The following KIF16B variants were observed in gnomAD, a reference collection of about 807,000 sequenced individuals.
The protein encoded by KIF16B is kinesin family member 16B, also known as kinesin-like protein KIF16B.
Under a neutral mutation model 156.3 loss-of-function variants are expected in KIF16B, and 98 were observed. That is an observed-to-expected ratio of 0.63 (90% CI 0.53 to 0.74). The LOEUF (loss-of-function observed/expected upper bound fraction) is 0.74, where lower values mean the gene tolerates loss of function less well. Among genes scored for constraint, KIF16B ranks in the 30% least tolerant of loss-of-function variants. The pLI is 0.00. For missense variants in KIF16B, 1,421 were observed against 1,606.5 expected (o/e 0.88, Z 1.97); for synonymous variants, 564 against 583.7 (o/e 0.97, Z 0.49).
chr20:16,519,937 T>C (rs2069278020), intron 3 of KIF16B, among the ~76,000 whole-genome samples: 1 of 152,130 alleles, frequency 6.6e-6, no homozygotes, highest in Non-Finnish European at 1.5e-5. Flanking sequence ...CTCCCTCCCC[T>C]AGCCAAGGGA....
chr20:16,276,846 T>C (rs1398953025), intron 25 of KIF16B, among the ~76,000 whole-genome samples: 1 of 152,244 alleles, frequency 6.6e-6, no homozygotes, highest in African/African-American at 2.4e-5. Flanking sequence ...AGAGGAAACC[T>C]TGCTGATTTT....
intron 17 of KIF16B, 35 bp from the exon 18 acceptor site, chr20:16,381,782 A>G: frequency 1.3e-6 from 2 of 1,556,730 alleles, no homozygotes; most frequent in African/African-American, 1.4e-5. Context: ...TCACTTTTCT[A>G]AAGAGCTTTT....
chr20:16,374,460 A>T lies in KIF16B; in HGVS notation c.3198-51T>A, dbSNP rs754795593. On this transcript the variant is annotated intron_variant, in intron 19 of 25. Coordinates refer to ENST00000354981, the MANE Select transcript of KIF16B (RefSeq NM_024704.5). The stretch of plus-strand genomic sequence containing the variant: ...CATTCATTAATAGTATTTCCCGAGC[A>T]TCCTTACTGTGTGAGACATTGCTTT... 6 of 1,449,522 alleles carry T rather than the reference A, an allele frequency of 4.1e-6. No individual in the cohort carries two copies. In the East Asian group the frequency reaches 1.5e-4, roughly 35 times the overall value. The allele number at this position is 1,449,522 out of a possible 1,614,324, so 89.8% of individuals were successfully genotyped here. A position where few individuals can be genotyped will look rare whatever the true frequency, so the allele number is the denominator to read the frequency against.
At chr20:16,327,360 G>A (rs562299577) in intron 24 of KIF16B, among the ~76,000 whole-genome samples, 1 of 151,518 alleles carries the variant, frequency 6.6e-6, no homozygotes, top group Admixed American at 6.6e-5. Flanking sequence ...TCAAGTGATG[G>A]GTATACCAAA....
intron 23 of KIF16B, among the ~76,000 whole-genome samples, chr20:16,346,144 G>T (rs114345047): frequency 0.011 from 1,713 of 152,324 alleles, 28 homozygotes; most frequent in African/African-American, 0.037. Context: ...CTGTGAACCT[G>T]AAGCTTGACC....
At chr20:16,485,306 A>T (rs1423221042) in intron 12 of KIF16B, among the ~76,000 whole-genome samples, 2 of 152,164 alleles carry the variant, frequency 1.3e-5, no homozygotes, top group Admixed American at 1.3e-4. Flanking sequence ...AAATAATCAC[A>T]GTCTGTTTAA....
At chr20:16,511,227 C>CGGA (rs1241310484) in intron 6 of KIF16B, among the ~76,000 whole-genome samples, 191 bp downstream of exon 6, 1 of 152,162 alleles carries the variant, frequency 6.6e-6, no homozygotes, top group Non-Finnish European at 1.5e-5. Flanking sequence ...ATAAAATCAA[C>CGGA]GGATGGCCAG....
intron 25 of KIF16B, among the ~76,000 whole-genome samples, chr20:16,279,928 C>T (rs1009371382): frequency 1.3e-5 from 2 of 152,100 alleles, no homozygotes; most frequent in Admixed American, 6.5e-5. Context: ...AGAATTTAGT[C>T]CATTATATTA....
At chr20:16,321,061 G>A (rs573704130) in intron 24 of KIF16B, among the ~76,000 whole-genome samples, 10 of 152,020 alleles carry the variant, frequency 6.6e-5, no homozygotes, top group South Asian at 2.1e-4. Context: ...ACACAATGTC[G>A]TAAAGTTATT....
chr20:16,380,698 AT>A (rs1468000060), intron 18 of KIF16B, among the ~76,000 whole-genome samples: 65 of 152,306 alleles, frequency 4.3e-4, no homozygotes, highest in African/African-American at 1.5e-3. Context: ...TGATCACCAA[AT>A]GGTCCAAAAT....
chr20:16,348,644 T>G lies in KIF16B; in HGVS notation c.3621+7686A>C, dbSNP rs140723444. Among the ~76,000 whole-genome samples, 594 of 152,300 alleles carry G rather than the reference T, an allele frequency of 3.9e-3. 6 individuals are homozygous for G. The highest frequency in any genetic ancestry group is 0.013 in the African/African-American group (561 of 41,556). ...ATCCAATTGTGCTATAGAGGATGGA[T>G]GCAGCTAATTAGTGTTAAATACAGC... On this transcript the variant is annotated intron_variant, in intron 23 of 25. Coordinates refer to ENST00000354981, the MANE Select transcript of KIF16B (RefSeq NM_024704.5).
At chr20:16,534,275 T>C (rs2069871292) in intron 1 of KIF16B, among the ~76,000 whole-genome samples, 1 of 151,692 alleles carries the variant, frequency 6.6e-6, no homozygotes, top group Non-Finnish European at 1.5e-5. Flanking sequence ...AAAAAATTAA[T>C]CTAAAATTAC....
chr20:16,313,744 C>T (rs888240307), intron 24 of KIF16B, among the ~76,000 whole-genome samples: 2 of 152,164 alleles, frequency 1.3e-5, no homozygotes, highest in African/African-American at 4.8e-5. Flanking sequence ...GAGATCCAAC[C>T]ATGTTGTTAT....
At chr20:16,473,263 G>A (rs1276612699) in intron 12 of KIF16B, among the ~76,000 whole-genome samples, 1 of 152,102 alleles carries the variant, frequency 6.6e-6, no homozygotes, top group African/African-American at 2.4e-5. Context: ...CATCTTAAAG[G>A]CTCTCCCAAC....
chr20:16,569,846 G>A (rs1295962412), intron 1 of KIF16B, among the ~76,000 whole-genome samples: 1 of 152,138 alleles, frequency 6.6e-6, no homozygotes, highest in Non-Finnish European at 1.5e-5. Context: ...AACTACGCAT[G>A]AGGAAAGTAA....
intron 17 of KIF16B, among the ~76,000 whole-genome samples, chr20:16,400,845 G>C (rs2065636853): frequency 6.6e-6 from 1 of 152,140 alleles, no homozygotes; most frequent in Non-Finnish European, 1.5e-5. Flanking sequence ...GGAGTTTGGG[G>C]GAAGGAGGGA....
intron 3 of KIF16B, among the ~76,000 whole-genome samples, chr20:16,523,471 T>C (rs2147126013): frequency 6.6e-6 from 1 of 152,168 alleles, no homozygotes; most frequent in South Asian, 2.1e-4. Flanking sequence ...GGAATACAAC[T>C]TACAAGGGAT....
chr20:16,572,710 C>G (rs187676021), intron 1 of KIF16B, among the ~76,000 whole-genome samples: 1 of 152,312 alleles, frequency 6.6e-6, no homozygotes, highest in East Asian at 1.9e-4. Flanking sequence ...GGAGTCAGGA[C>G]TTTGTCAAAG....
chr20:16,307,539 T>C (rs78358983), intron 25 of KIF16B, among the ~76,000 whole-genome samples: 22,175 of 151,872 alleles, frequency 0.15, 1,726 homozygotes, highest in Admixed American at 0.16. Context: ...GTGACAGGAG[T>C]CTTAGAGAAG....
Sources: gnomAD v4.1 joint callset for allele counts (sites outside exome capture counted in the v4.1 genomes callset) on GRCh38, gnomAD v4.1.1 for gene constraint, MANE v1.5 for transcripts, NCBI Gene and HGNC (gene_info 2026-07-23, HGNC 2026-07-21) for gene names.